Variants in RANBP17 observed in about 807,000 individuals in gnomAD.
RANBP17 encodes RAN binding protein 17, also known as ran-binding protein 17.
Under a neutral mutation model 141.2 loss-of-function variants are expected in RANBP17, and 158 were observed. That is an observed-to-expected ratio of 1.12 (90% CI 0.98 to 1.28). The LOEUF (loss-of-function observed/expected upper bound fraction) is 1.28. RANBP17 is among the 50% of genes most tolerant of loss of function. RANBP17 has a pLI of 0.00. For missense variants in RANBP17, 1,438 were observed against 1,290.7 expected (o/e 1.11, Z -1.75); for synonymous variants, 430 against 450.0 (o/e 0.96, Z 0.56).
intron 14 of RANBP17, among the ~76,000 whole-genome samples, chr5:171,015,865 G>C (rs1780390884): frequency 6.6e-6 from 1 of 152,104 alleles, no homozygotes; most frequent in African/African-American, 2.4e-5. Context: ...TGTTGATATA[G>C]AGATTATTTC....
intron 14 of RANBP17, among the ~76,000 whole-genome samples, chr5:171,062,190 G>T (rs1783927163): frequency 6.6e-6 from 1 of 151,194 alleles, no homozygotes; most frequent in Non-Finnish European, 1.5e-5. Context: ...GTGTGAATTT[G>T]ATCCTGTCAT....
chr5:171,027,512 G>C (rs4555841), intron 14 of RANBP17, among the ~76,000 whole-genome samples: 1 of 151,650 alleles, frequency 6.6e-6, no homozygotes, highest in Non-Finnish European at 1.5e-5. Context: ...GTTTTGCAAC[G>C]TGCCTTCATA....
At chr5:171,131,306 T>TC (rs1756903812) in intron 14 of RANBP17, among the ~76,000 whole-genome samples, 1 of 152,218 alleles carries the variant, frequency 6.6e-6, no homozygotes, top group Admixed American at 6.5e-5. Context: ...CCTATTTATA[T>TC]CTGCTACTAT....
chr5:170,988,265 A>T (rs2127560846), intron 14 of RANBP17, among the ~76,000 whole-genome samples: 1 of 151,330 alleles, frequency 6.6e-6, no homozygotes, highest in Non-Finnish European at 1.5e-5. Flanking sequence ...ATTGTTCTCG[A>T]GTAATTATAG....
Position 171,200,785 on chromosome 5 carries a change from AT to A in RANBP17, c.2142+1013del, listed in dbSNP as rs1762252613. 2.0e-5 allele frequency among the ~76,000 whole-genome samples: 3 copies of A among 152,248 alleles called. No homozygotes were observed. In the South Asian group the frequency reaches 6.2e-4, roughly 31 times the overall value. On this transcript the variant is annotated intron_variant, in intron 19 of 27. Coordinates refer to ENST00000523189, the MANE Select transcript of RANBP17 (RefSeq NM_022897.5). ...CTTTATGTAATTCTTCTACCAAAAAATAATCAGCCAAATGCTATACCTCTTA... is the reference window on the plus strand; with the variant it reads ...CTTTATGTAATTCTTCTACCAAAAAAAATCAGCCAAATGCTATACCTCTTA...
chr5:170,933,168 A>G (rs1351573576), intron 12 of RANBP17, among the ~76,000 whole-genome samples: 2 of 152,054 alleles, frequency 1.3e-5, no homozygotes, highest in Admixed American at 6.5e-5. Context: ...GAATTTATCC[A>G]TTTCTTCTAG....
chr5:170,973,892 C>T (rs778163750), intron 14 of RANBP17, among the ~76,000 whole-genome samples: 5 of 152,142 alleles, frequency 3.3e-5, no homozygotes, highest in Non-Finnish European at 7.4e-5. Context: ...GGACACTAGT[C>T]TCATCCATGA....
intron 14 of RANBP17, among the ~76,000 whole-genome samples, chr5:171,065,948 C>T (rs1329323949): frequency 2.6e-5 from 4 of 151,384 alleles, no homozygotes; most frequent in Non-Finnish European, 5.9e-5. Context: ...GCAGCCTCTG[C>T]CTCCCGGGTT....
At chr5:170,978,468 GATAA>G (rs1433570828) in intron 14 of RANBP17, among the ~76,000 whole-genome samples, 1 of 151,760 alleles carries the variant, frequency 6.6e-6, no homozygotes, top group Non-Finnish European at 1.5e-5. Flanking sequence ...CAGTCAAATG[GATAA>G]ATAAATTAAT....
At chr5:170,955,799 G>A (rs892846678) in intron 13 of RANBP17, among the ~76,000 whole-genome samples, 1 of 144,622 alleles carries the variant, frequency 6.9e-6, no homozygotes, top group African/African-American at 2.6e-5. Flanking sequence ...CAAAAATTGA[G>A]GAACAACCTA....
intron 14 of RANBP17, among the ~76,000 whole-genome samples, chr5:171,159,762 AAAT>A (rs1235720443): frequency 6.6e-6 from 1 of 151,854 alleles, no homozygotes; most frequent in Admixed American, 6.6e-5. Flanking sequence ...TCTACTAAAA[AAAT>A]ACAAAAACTT....
intron 14 of RANBP17, among the ~76,000 whole-genome samples, chr5:171,118,462 C>T (rs1755798087): frequency 6.6e-6 from 1 of 152,016 alleles, no homozygotes; most frequent in African/African-American, 2.4e-5. Flanking sequence ...ATAAAGAGTG[C>T]ACTGACTATA....
intron 14 of RANBP17, 31 bp from the exon 15 acceptor site, chr5:171,170,099 A>G: frequency 8.1e-7 from 1 of 1,236,286 alleles, no homozygotes; most frequent in African/African-American, 1.5e-5. Flanking sequence ...GTTAATAGTA[A>G]AACTTTTAAC....
At chr5:171,289,611 T>C (rs926711376) in intron 25 of RANBP17, among the ~76,000 whole-genome samples, 2 of 152,096 alleles carry the variant, frequency 1.3e-5, no homozygotes, top group African/African-American at 4.8e-5. Context: ...TGGTGGCACC[T>C]GCCTGTAGTC....
chr5:170,931,667 CT>C (rs2127458566), intron 12 of RANBP17, among the ~76,000 whole-genome samples: 1 of 152,196 alleles, frequency 6.6e-6, no homozygotes, highest in African/African-American at 2.4e-5. Context: ...AGTAGGGAAT[CT>C]TTCCCCATTT....
intron 14 of RANBP17, among the ~76,000 whole-genome samples, chr5:171,146,386 T>G (rs1758029599): frequency 6.6e-6 from 1 of 152,216 alleles, no homozygotes; most frequent in Admixed American, 6.5e-5. Flanking sequence ...ATGTAATCAT[T>G]TTAAGCTTCA....
At chr5:170,932,031 A>G (rs1387451501) in intron 12 of RANBP17, among the ~76,000 whole-genome samples, 1 of 152,064 alleles carries the variant, frequency 6.6e-6, no homozygotes, top group African/African-American at 2.4e-5. Flanking sequence ...GATTCTTCCT[A>G]TCCATGAGCA....
intron 25 of RANBP17, among the ~76,000 whole-genome samples, chr5:171,282,919 C>G (rs1040614194): frequency 6.6e-6 from 1 of 152,144 alleles, no homozygotes; most frequent in Non-Finnish European, 1.5e-5. Context: ...ACCCCATTTC[C>G]TGCACACAAG....
intron 19 of RANBP17, among the ~76,000 whole-genome samples, chr5:171,203,434 G>A (rs936686237): frequency 2.6e-5 from 4 of 152,092 alleles, no homozygotes; most frequent in African/African-American, 9.7e-5. Flanking sequence ...GCTGCTTTGA[G>A]ATAAAAGATA....
Sources: allele counts gnomAD v4.1 joint callset (sites outside exome capture counted in the v4.1 genomes callset), GRCh38; gene constraint gnomAD v4.1.1; transcripts MANE v1.5; gene names NCBI Gene and HGNC (gene_info 2026-07-23, HGNC 2026-07-21).